Variants in ACTL8 observed in about 807,000 individuals in gnomAD.
The protein encoded by ACTL8 is actin-like protein 8.
In ACTL8, 3 loss-of-function variants were observed where a neutral mutation model predicts 9.3. That is an observed-to-expected ratio of 0.32 (90% confidence interval 0.15 to 0.83). The LOEUF is 0.83. Among genes scored for constraint, ACTL8 ranks in the 40% least tolerant of loss-of-function variants. The probability of loss-of-function intolerance (pLI) is 0.57; values close to 1 mark genes in which losing one functional copy is unlikely to be tolerated. For missense variants in ACTL8, 381 were observed against 492.2 expected (o/e 0.77, Z 2.14); for synonymous variants, 224 against 205.9 (o/e 1.09, Z -0.75).
At chr1:17,812,078 G>A (rs947562359) in intron 1 of ACTL8, among the ~76,000 whole-genome samples, 2 of 151,802 alleles carry the variant, frequency 1.3e-5, no homozygotes, top group Admixed American at 6.6e-5. Context: ...GGCTTGTCTC[G>A]AACTCCTGAG....
intron 1 of ACTL8, among the ~76,000 whole-genome samples, chr1:17,812,427 C>CTTTTTTTTTTTTTTTTTTTT (rs141182523): frequency 8.2e-6 from 1 of 122,420 alleles, no homozygotes; most frequent in African/African-American, 3.1e-5. Context: ...ATTTTTTTTC[C>CTTTTTTTTTTTTTTTTTTTT]TTTTTTTTTT....
Position 17,823,403 on chromosome 1 carries a change from TG to T in ACTL8, c.348+48del. The T allele has an allele frequency of 1.3e-6, 2 of 1,536,162 alleles. No individual in the cohort carries two copies. Among genetic ancestry groups the T allele is most frequent in the Non-Finnish European group, 1.8e-6 (2 of 1,129,558 alleles). ...TCCCACTCGGGAGCGGGAAACAGAC[TG>T]ACACTATGTCTGGACTGATTGGGCA... On this transcript the variant is annotated intron_variant, in intron 2 of 2. Transcript: ENST00000375406. This position sits in a 1 kb window ranked among gnomAD's most constrained non-coding sequence, Gnocchi z 5.3.
At chr1:17,777,438 G>A (rs1156683888) in intron 1 of ACTL8, among the ~76,000 whole-genome samples, 2 of 152,014 alleles carry the variant, frequency 1.3e-5, no homozygotes, top group Non-Finnish European at 2.9e-5. Context: ...CCATTCTCTC[G>A]CACATTCCAC....
chr1:17,780,739 T>G (rs2066148912), intron 1 of ACTL8, among the ~76,000 whole-genome samples: 7 of 97,624 alleles, frequency 7.2e-5, no homozygotes, highest in African/African-American at 1.2e-4. Flanking sequence ...GGGGTGGGAG[T>G]GTGTTTTGGG....
intron 1 of ACTL8, among the ~76,000 whole-genome samples, chr1:17,756,587 A>ATGG (rs1159155327): frequency 6.6e-6 from 1 of 152,322 alleles, no homozygotes; most frequent in East Asian, 1.9e-4. Context: ...CTTTCCCTGT[A>ATGG]AAAATCACTG....
rs778230710 is a variant in ACTL8 at position 17,822,970 on chromosome 1, C to T, written c.-24-15C>T. 58 of 1,569,652 alleles carry T rather than the reference C, an allele frequency of 3.7e-5. No homozygotes were observed. The highest frequency in any genetic ancestry group is 3.0e-4 in the South Asian group (25 of 84,396). ...AGGCTGCCTGCACAACTAACCCCAT[C>T]CTTTGCTTCCGCAGGTCCCACCCAC... On this transcript the variant is annotated splice_polypyrimidine_tract_variant and intron_variant, in intron 1 of 2. Transcript: ENST00000375406.
chr1:17,822,900 G>A, intron 1 of ACTL8, 85 bp from the exon 2 acceptor site: 1 of 876,788 alleles, frequency 1.1e-6, no homozygotes, highest in Non-Finnish European at 1.7e-6. Context: ...GGGGGAGCCT[G>A]AGGTTTGACT....
rs115669506 is a variant in ACTL8 at position 17,798,778 on chromosome 1, T to C, written c.-24-24207T>C. Among the ~76,000 whole-genome samples the C allele has an allele frequency of 9.8e-3, 1,490 of 152,306 alleles. 9 individuals carry two copies. Among genetic ancestry groups the C allele is most frequent in the African/African-American group, 0.013 (558 of 41,572 alleles). Reference sequence around the variant, plus strand: ...TTCACTTTTTTAAAGTCTTTCCTTCTCCATTCCAGCTCCTGGACCCTCCTG... The same window carrying C: ...TTCACTTTTTTAAAGTCTTTCCTTCCCCATTCCAGCTCCTGGACCCTCCTG... On this transcript the variant is annotated intron_variant, in intron 1 of 2. Coordinates refer to ENST00000375406, the MANE Select transcript of ACTL8 (RefSeq NM_030812.3).
At chr1:17,764,582 C>A (rs1043780001) in intron 1 of ACTL8, among the ~76,000 whole-genome samples, 2 of 151,564 alleles carry the variant, frequency 1.3e-5, no homozygotes, top group African/African-American at 4.8e-5. Flanking sequence ...GGGCACCCCC[C>A]CACAGCATCT....
rs1160937581 is a variant in ACTL8, at chr1:17,767,845, G to A, written c.-25+12341G>A. On this transcript the variant is annotated intron_variant, in intron 1 of 2. Transcript: ENST00000375406. The surrounding 1 kb of genome is among the most constrained non-coding windows in gnomAD (Gnocchi z 4.7). ...CTGCTGACACGGGAGGAATGACACT[G>A]CGTTACTCAAGCAGGTGGCAGTGTG... Among the ~76,000 whole-genome samples, 1 of 152,118 alleles carries A rather than the reference G, an allele frequency of 6.6e-6. No individual in the cohort carries two copies. Among genetic ancestry groups the A allele is most frequent in the African/African-American group, 2.4e-5 (1 of 41,412 alleles).
intron 1 of ACTL8, among the ~76,000 whole-genome samples, chr1:17,788,777 C>G (rs1302804997): frequency 6.6e-6 from 1 of 152,174 alleles, no homozygotes; most frequent in Non-Finnish European, 1.5e-5. Flanking sequence ...CCAGTGCAAA[C>G]CAGAAAGGAA....
rs905056451 is a variant in ACTL8 at position 17,825,714 on chromosome 1, A to G, written c.349-53A>G. 3.2e-6 allele frequency: 5 copies of G among 1,571,966 alleles called. No individual in the cohort carries two copies. The South Asian group carries it at 3.5e-5, about 11-fold the overall frequency. Reference sequence around the variant, plus strand: ...GGGCTCTGTGCTGACTTCAGCTTTGACTGCTGAGCAGGCTGGGGGGAAATG... The same window carrying G: ...GGGCTCTGTGCTGACTTCAGCTTTGGCTGCTGAGCAGGCTGGGGGGAAATG... On this transcript the variant is annotated intron_variant, in intron 2 of 2. Transcript: ENST00000375406.
intron 1 of ACTL8, among the ~76,000 whole-genome samples, chr1:17,786,764 A>G (rs181994111): frequency 3.9e-5 from 6 of 152,284 alleles, no homozygotes; most frequent in Admixed American, 3.9e-4. Flanking sequence ...CAGTGGCATG[A>G]TCATAGCTCA....
Position 17,825,837 on chromosome 1 carries a change from C to G in ACTL8, c.419C>G (p.Ser140Cys), listed in dbSNP as rs777748476. 6.2e-7 allele frequency: 1 copy of G among 1,614,142 alleles called. No individual in the cohort carries two copies. Among genetic ancestry groups the G allele is most frequent in the South Asian group, 1.1e-5 (1 of 91,090 alleles). The change falls in exon 3 of 3, where the codon TCT becomes TGT. Residue 140 changes from serine to cysteine, a missense_variant. Around this residue, in one of 3 missense-constraint regions of ACTL8, gnomAD observed 13 missense variants for 35.4 expected, o/e 0.37. Transcript: ENST00000375406. ...CAGCTGCAGATGTCCCTGTATGCCT[C>G]TGGCCTCCTGACCGGAGTGGTGGTT... ...ADQLQMSLYA[S>C]GLLTGVVVDS...
At chr1:17,805,385 T>C (rs1160516240) in intron 1 of ACTL8, among the ~76,000 whole-genome samples, 4 of 66,728 alleles carry the variant, frequency 6.0e-5, no homozygotes, top group Admixed American at 1.9e-4. Flanking sequence ...TTCTTTTTTT[T>C]TTTTTTTTTT....
chr1:17,759,355 C>T (rs115198949), intron 1 of ACTL8, among the ~76,000 whole-genome samples: 3,017 of 152,322 alleles, frequency 0.02, 110 homozygotes, highest in African/African-American at 0.069. Flanking sequence ...CAGCACGTGC[C>T]GCTCAGTGCT....
At chr1:17,802,434 T>C (rs1427676144) in intron 1 of ACTL8, among the ~76,000 whole-genome samples, 2 of 151,604 alleles carry the variant, frequency 1.3e-5, no homozygotes, top group African/African-American at 4.9e-5. Context: ...CGTGTGTGTG[T>C]GTGTGTGTGT....
chr1:17,775,562 G>A (rs1337237771), intron 1 of ACTL8, among the ~76,000 whole-genome samples: 1 of 152,178 alleles, frequency 6.6e-6, no homozygotes. Flanking sequence ...ACCATCACAG[G>A]CCTGGACCAG....
At chr1:17,796,902 G>A (rs1207839694) in intron 1 of ACTL8, among the ~76,000 whole-genome samples, 5 of 152,336 alleles carry the variant, frequency 3.3e-5, no homozygotes, top group Admixed American at 6.5e-5. Flanking sequence ...CGGCACTGCC[G>A]TGGCAAGTGG....
Sources: allele counts gnomAD v4.1 joint callset (sites outside exome capture counted in the v4.1 genomes callset), GRCh38; gene constraint gnomAD v4.1.1; regional missense constraint gnomAD v4.1.1; non-coding constraint Gnocchi (gnomAD v3.1); transcripts MANE v1.5; gene names NCBI Gene and HGNC (gene_info 2026-07-23, HGNC 2026-07-21).